The following GABRB2 variants were observed in gnomAD, a reference collection of about 807,000 sequenced individuals.
The protein encoded by GABRB2 is gamma-aminobutyric acid type A receptor subunit beta2, also known as gamma-aminobutyric acid receptor subunit beta-2.
A neutral mutation model predicts 54.7 loss-of-function variants in GABRB2; 16 were observed. That is an observed-to-expected ratio of 0.29 (90% CI 0.20 to 0.44). The LOEUF (loss-of-function observed/expected upper bound fraction) is 0.44. GABRB2 is among the 20% of genes least tolerant of loss of function. The pLI is 1.00. For synonymous variants in GABRB2, 244 were observed against 233.8 expected, an observed-to-expected ratio of 1.04 and a Z score of -0.40; for missense variants, 355 against 644.0, an observed-to-expected ratio of 0.55 and a Z score of 4.86.
At chr5:161,305,467 G>A (rs961685342) in intron 9 of GABRB2, among the ~76,000 whole-genome samples, 1 of 152,176 alleles carries the variant, frequency 6.6e-6, no homozygotes, top group Non-Finnish European at 1.5e-5. Flanking sequence ...CAGGGAGGTA[G>A]GAATGAGAAT....
intron 4 of GABRB2, among the ~76,000 whole-genome samples, chr5:161,441,259 T>G (rs1237899335): frequency 6.6e-6 from 1 of 152,202 alleles, no homozygotes; most frequent in East Asian, 1.9e-4. Flanking sequence ...CTCAAACAAC[T>G]CTTTAGGAAA....
In GABRB2 at chr5:161,372,140, G is replaced by T. The variant is rs542711029; in HGVS notation, c.542-35371C>A. Among the ~76,000 whole-genome samples the T allele has an allele frequency of 2.0e-5, 3 of 152,252 alleles. No homozygotes were observed. The East Asian group carries it at 5.8e-4, about 29-fold the overall frequency. ...CAGGCCAAATCAGATCTGCAGATGT[G>T]TTGCTCTGGACCACCCACAGTATTT... On this transcript the variant is annotated intron_variant, in intron 5 of 9. Transcript: ENST00000393959.
intron 5 of GABRB2, among the ~76,000 whole-genome samples, chr5:161,353,696 A>G (rs1754536940): frequency 6.6e-6 from 1 of 151,998 alleles, no homozygotes; most frequent in Admixed American, 6.6e-5. Context: ...AGATAAGTCC[A>G]ATGTACATGG....
intron 5 of GABRB2, among the ~76,000 whole-genome samples, chr5:161,400,989 G>T (rs184863371): frequency 6.6e-6 from 1 of 152,192 alleles, no homozygotes; most frequent in Non-Finnish European, 1.5e-5. Flanking sequence ...ACTGCTAAAA[G>T]ACTTCCCCTC....
At chr5:161,441,481 T>C (rs1013362785) in intron 4 of GABRB2, among the ~76,000 whole-genome samples, 20 of 152,056 alleles carry the variant, frequency 1.3e-4, no homozygotes, top group Admixed American at 3.3e-4. Flanking sequence ...TGTGAAGAAA[T>C]GGGAATCCTT....
At chr5:161,500,369 A>C (rs147054206) in intron 3 of GABRB2, among the ~76,000 whole-genome samples, 1 of 152,108 alleles carries the variant, frequency 6.6e-6, no homozygotes, top group African/African-American at 2.4e-5. Context: ...ATGACCCTGA[A>C]GTCAATATAG....
intron 3 of GABRB2, among the ~76,000 whole-genome samples, chr5:161,472,781 T>C (rs1758481926): frequency 6.6e-6 from 1 of 151,930 alleles, no homozygotes; most frequent in South Asian, 2.1e-4. Context: ...TGGAGAAATA[T>C]GTCCAACAAA....
At chr5:161,481,134 G>A (rs1758750561) in intron 3 of GABRB2, among the ~76,000 whole-genome samples, 1 of 151,898 alleles carries the variant, frequency 6.6e-6, no homozygotes, top group African/African-American at 2.4e-5. Context: ...GTGATACATG[G>A]GCCCAGTTTT....
At chr5:161,465,438 C>T (rs1419414311) in intron 3 of GABRB2, among the ~76,000 whole-genome samples, 1 of 151,990 alleles carries the variant, frequency 6.6e-6, no homozygotes, top group Non-Finnish European at 1.5e-5. Context: ...GAAATAATTC[C>T]ATTCTAGAAA....
chr5:161,297,345 C>T (rs1331683023), intron 9 of GABRB2, among the ~76,000 whole-genome samples: 3 of 152,146 alleles, frequency 2.0e-5, no homozygotes, highest in Non-Finnish European at 4.4e-5. Context: ...AGGTTTGTTA[C>T]ATAGGTATAA....
chr5:161,537,842 A>T (rs967793269), intron 3 of GABRB2, among the ~76,000 whole-genome samples: 2 of 152,024 alleles, frequency 1.3e-5, no homozygotes, highest in Non-Finnish European at 2.9e-5. Context: ...TCAACACCAA[A>T]TCTACCCTTT....
intron 3 of GABRB2, among the ~76,000 whole-genome samples, chr5:161,473,455 T>C (rs1003012298): frequency 6.6e-6 from 1 of 151,844 alleles, no homozygotes; most frequent in African/African-American, 2.4e-5. Context: ...AGGAAAAAAA[T>C]ACAAGAACAA....
chr5:161,386,688 C>T (rs986801008), intron 5 of GABRB2, among the ~76,000 whole-genome samples: 1 of 151,994 alleles, frequency 6.6e-6, no homozygotes, highest in African/African-American at 2.4e-5. Context: ...GGACTACAGG[C>T]GTGCTACCAT....
chr5:161,443,750 T>C (rs1394930965), intron 4 of GABRB2, among the ~76,000 whole-genome samples: 3 of 152,200 alleles, frequency 2.0e-5, no homozygotes, highest in Non-Finnish European at 4.4e-5. Context: ...AGCATTTTTC[T>C]CCTCCTTGGT....
chr5:161,494,960 A>C (rs1759187541), intron 3 of GABRB2, among the ~76,000 whole-genome samples: 1 of 151,928 alleles, frequency 6.6e-6, no homozygotes, highest in Admixed American at 6.6e-5. Context: ...GATTGTTTTC[A>C]GGCTTTTAAC....
At chr5:161,499,812 G>T (rs1335202652) in intron 3 of GABRB2, among the ~76,000 whole-genome samples, 1 of 152,134 alleles carries the variant, frequency 6.6e-6, no homozygotes, top group African/African-American at 2.4e-5. Context: ...GCAAAGCATG[G>T]TGAACATGAA....
At chr5:161,394,948 T>C (rs1755951564) in intron 5 of GABRB2, among the ~76,000 whole-genome samples, 1 of 152,028 alleles carries the variant, frequency 6.6e-6, no homozygotes, top group Non-Finnish European at 1.5e-5. Flanking sequence ...GATGCAAAAA[T>C]CTTCAACAAA....
intron 4 of GABRB2, among the ~76,000 whole-genome samples, chr5:161,453,514 C>T (rs4921395): frequency 0.94 from 143,184 of 152,212 alleles, 67,532 homozygotes; most frequent in African/African-American, 0.97. Context: ...AGGTATCATC[C>T]ATGAATCAGG....
chr5:161,324,980 C>G (rs1228313313), intron 9 of GABRB2, among the ~76,000 whole-genome samples: 2 of 152,004 alleles, frequency 1.3e-5, no homozygotes, highest in East Asian at 3.9e-4. Context: ...CACCAATGAG[C>G]AAATTTTCAA....
Sources: allele counts gnomAD v4.1 joint callset (sites outside exome capture counted in the v4.1 genomes callset), GRCh38; gene constraint gnomAD v4.1.1; transcripts MANE v1.5; gene names NCBI Gene and HGNC (gene_info 2026-07-23, HGNC 2026-07-21).